Variants in HDAC9 observed in about 807,000 individuals in gnomAD.
The protein encoded by HDAC9 is histone deacetylase 9, also known as MEF-2 interacting transcription repressor (MITR) protein.
A neutral mutation model predicts 139.4 loss-of-function variants in HDAC9; 41 were observed. The observed-to-expected ratio is 0.29, with a 90% CI of 0.23 to 0.38. HDAC9 has a LOEUF of 0.38. Ranked by LOEUF, HDAC9 falls within the 10% of genes least tolerant of loss-of-function variation. The pLI is 1.00. For missense variants in HDAC9, 1,147 were observed against 1,297.0 expected (o/e 0.88, Z 1.78); for synonymous variants, 517 against 476.2 (o/e 1.09, Z -1.12).
chr7:18,174,249 A>C (rs1464775818), intron 2 of HDAC9, among the ~76,000 whole-genome samples: 1 of 152,184 alleles, frequency 6.6e-6, no homozygotes, highest in Non-Finnish European at 1.5e-5. Flanking sequence ...TCGGCTATTG[A>C]AGCTTGTGCA....
At chr7:18,865,056 A>AAAC (rs940291013) in intron 21 of HDAC9, among the ~76,000 whole-genome samples, 6 of 152,152 alleles carry the variant, frequency 3.9e-5, no homozygotes, top group African/African-American at 1.2e-4. Context: ...AAAACAAACA[A>AAAC]AACAACAACA....
chr7:18,745,127 C>T (rs1787820541), intron 13 of HDAC9, among the ~76,000 whole-genome samples: 1 of 151,948 alleles, frequency 6.6e-6, no homozygotes, highest in Non-Finnish European at 1.5e-5. Flanking sequence ...TATTTCTCAC[C>T]CTATAAGTCC....
At chr7:18,937,656 A>G (rs1781737688) in intron 23 of HDAC9, among the ~76,000 whole-genome samples, 1 of 152,194 alleles carries the variant, frequency 6.6e-6, no homozygotes, top group South Asian at 2.1e-4. Context: ...TTTTAATTAT[A>G]GAAATATGTT....
intron 11 of HDAC9, among the ~76,000 whole-genome samples, chr7:18,655,927 T>G (rs1347907919): frequency 6.6e-6 from 1 of 152,170 alleles, no homozygotes; most frequent in Non-Finnish European, 1.5e-5. Flanking sequence ...ATAATTTGGT[T>G]GTTTCCCAAC....
intron 2 of HDAC9, among the ~76,000 whole-genome samples, chr7:18,259,862 T>C (rs1795529197): frequency 6.6e-6 from 1 of 152,198 alleles, no homozygotes; most frequent in South Asian, 2.1e-4. Flanking sequence ...TTACCTCTTT[T>C]AGAAACATTT....
At chr7:18,780,005 C>T (rs1179828353) in intron 16 of HDAC9, among the ~76,000 whole-genome samples, 4 of 152,034 alleles carry the variant, frequency 2.6e-5, no homozygotes, top group African/African-American at 4.8e-5. Context: ...CAAATCTTTA[C>T]GTTGTCACTG....
intron 2 of HDAC9, among the ~76,000 whole-genome samples, chr7:18,178,231 A>C (rs751899416): frequency 1.3e-5 from 2 of 152,112 alleles, no homozygotes; most frequent in Non-Finnish European, 2.9e-5. Context: ...TTACAGGCAC[A>C]TGCCACCATG....
intron 12 of HDAC9, chr7:18,668,587 G>A (rs1002039245): frequency 5.1e-6 from 5 of 979,880 alleles, no homozygotes; most frequent in Non-Finnish European, 4.8e-6. Context: ...TACAGTTGGT[G>A]GACGTTAATT....
chr7:18,185,605 T>C (rs543547978), intron 2 of HDAC9, among the ~76,000 whole-genome samples: 220 of 152,348 alleles, frequency 1.4e-3, no homozygotes, highest in African/African-American at 5.1e-3. Context: ...TACATATCTA[T>C]ACTTTTTAAA....
chr7:18,756,931 G>T (rs935059323), intron 14 of HDAC9, among the ~76,000 whole-genome samples: 4 of 152,122 alleles, frequency 2.6e-5, no homozygotes, highest in Non-Finnish European at 5.9e-5. Flanking sequence ...TACACGAGGA[G>T]GGTTGTGTGG....
chr7:18,358,085 A>AGGCT lies in HDAC9; in HGVS notation c.-42+67572_-42+67575dup, dbSNP rs546399996. 1.1e-4 allele frequency among the ~76,000 whole-genome samples: 16 copies of AGGCT among 152,246 alleles called. No homozygotes were observed. The East Asian group carries it at 2.7e-3, about 26-fold the overall frequency. On this transcript the variant is annotated intron_variant, in intron 1 of 3. Coordinates refer to the HDAC9 transcript ENST00000413509. Reference sequence around the variant, plus strand: ...GCACCTGTAATCCCAGCTACTCGGGAGGCTGACGCAGGAGCATCACTTGAA... The same window carrying AGGCT: ...GCACCTGTAATCCCAGCTACTCGGGAGGCTGGCTGACGCAGGAGCATCACTTGAA...
At chr7:18,881,969 C>T (rs1409694418) in intron 22 of HDAC9, among the ~76,000 whole-genome samples, 2 of 152,226 alleles carry the variant, frequency 1.3e-5, no homozygotes, top group Middle Eastern at 3.4e-3. Flanking sequence ...CAGGGGAATA[C>T]TATGCAGCAT....
chr7:18,138,855 T>A (rs1036155723), intron 1 of HDAC9, among the ~76,000 whole-genome samples: 1 of 152,032 alleles, frequency 6.6e-6, no homozygotes, highest in Non-Finnish European at 1.5e-5. Context: ...CAATTCAGAG[T>A]ACTGGATTCT....
rs568019919 is a variant in HDAC9, at chr7:18,361,371, C to T, written c.-42+70856C>T. Among the ~76,000 whole-genome samples, 11 of 152,256 alleles carry T rather than the reference C, an allele frequency of 7.2e-5. No individual in the cohort carries two copies. The South Asian group carries it at 2.3e-3, about 32-fold the overall frequency. ...ACCCACACCTCTCTCCTGAAGTTACCTAGACCACTGCTTTCAGTTCATTTC... is the reference window on the plus strand; with the variant it reads ...ACCCACACCTCTCTCCTGAAGTTACTTAGACCACTGCTTTCAGTTCATTTC... On this transcript the variant is annotated intron_variant, in intron 1 of 3. Coordinates refer to the HDAC9 transcript ENST00000413509.
chr7:18,963,799 A>G (rs746280598), intron 24 of HDAC9, among the ~76,000 whole-genome samples: 13 of 152,320 alleles, frequency 8.5e-5, no homozygotes, highest in Middle Eastern at 3.4e-3. Context: ...ACATCAGGCT[A>G]TTGTACCCAT....
chr7:18,168,046 T>TC (rs1390598166), intron 2 of HDAC9, among the ~76,000 whole-genome samples: 1 of 152,204 alleles, frequency 6.6e-6, no homozygotes, highest in African/African-American at 2.4e-5. Flanking sequence ...AAGCCTTTGT[T>TC]TATGAATCAT....
chr7:18,523,802 A>G (rs530611039), intron 2 of HDAC9, among the ~76,000 whole-genome samples: 2 of 152,212 alleles, frequency 1.3e-5, no homozygotes, highest in South Asian at 2.1e-4. Context: ...TATGAAGGTA[A>G]GATTTTCAGC....
chr7:18,272,126 C>T (rs953028613), intron 2 of HDAC9, among the ~76,000 whole-genome samples: 9 of 152,126 alleles, frequency 5.9e-5, no homozygotes, highest in African/African-American at 2.2e-4. Context: ...TATGGAATGG[C>T]AGTATTTCAA....
chr7:18,443,718 A>C (rs1477053080), intron 1 of HDAC9, among the ~76,000 whole-genome samples: 1 of 152,060 alleles, frequency 6.6e-6, no homozygotes, highest in Non-Finnish European at 1.5e-5. Flanking sequence ...TCAAGATCAT[A>C]AATATGTGTT....
Sources: allele counts gnomAD v4.1 joint callset (sites outside exome capture counted in the v4.1 genomes callset), GRCh38; gene constraint gnomAD v4.1.1; transcripts MANE v1.5; gene names NCBI Gene and HGNC (gene_info 2026-07-23, HGNC 2026-07-21).